The following FOXN3 variants were observed in gnomAD, a reference collection of about 807,000 sequenced individuals.
FOXN3 encodes forkhead box protein N3.
Under a neutral mutation model 38.4 loss-of-function variants are expected in FOXN3, and 7 were observed. The ratio of observed to expected loss-of-function variants is 0.18; its 90% CI spans 0.10 to 0.34. The LOEUF (loss-of-function observed/expected upper bound fraction) is 0.34, where lower values mean the gene tolerates loss of function less well. Among genes scored for constraint, FOXN3 ranks in the 10% least tolerant of loss-of-function variants. The pLI is 1.00. For synonymous variants in FOXN3, 230 were observed against 242.2 expected, an observed-to-expected ratio of 0.95 and a Z score of 0.47; for missense variants, 456 against 613.4, an observed-to-expected ratio of 0.74 and a Z score of 2.71.
At chr14:89,206,936 T>C (rs987879900) in intron 4 of FOXN3, among the ~76,000 whole-genome samples, 1 of 152,040 alleles carries the variant, frequency 6.6e-6, no homozygotes, top group Non-Finnish European at 1.5e-5. Context: ...GGGAAGAGAT[T>C]TAGAGGGGAG....
chr14:89,190,192 G>GCATT (rs1413101602), intron 4 of FOXN3, among the ~76,000 whole-genome samples: 7 of 152,228 alleles, frequency 4.6e-5, no homozygotes, highest in Admixed American at 2.0e-4. Flanking sequence ...ACACACCTAT[G>GCATT]CATTCATTCA....
intron 1 of FOXN3, among the ~76,000 whole-genome samples, chr14:89,414,923 G>A (rs564445118): frequency 6.6e-6 from 1 of 152,284 alleles, no homozygotes; most frequent in East Asian, 1.9e-4. Context: ...TGCTCCAGAC[G>A]TCTTGGGTTC....
intron 1 of FOXN3, among the ~76,000 whole-genome samples, chr14:89,463,073 G>A (rs372015339): frequency 2.0e-4 from 30 of 151,102 alleles, no homozygotes; most frequent in East Asian, 1.4e-3. Context: ...GGCGGATCAC[G>A]AGGTCAGGAG....
intron 1 of FOXN3, among the ~76,000 whole-genome samples, chr14:89,561,655 T>G (rs549234239): frequency 6.6e-6 from 1 of 152,380 alleles, no homozygotes; most frequent in Admixed American, 6.5e-5. Flanking sequence ...TGCTCTGGCT[T>G]TACCTTTAGG....
At chr14:89,295,762 A>ATTTTTTTTTTTTTTTTTTTTTT (rs1032063820) in intron 3 of FOXN3, among the ~76,000 whole-genome samples, 5 of 123,224 alleles carry the variant, frequency 4.1e-5, no homozygotes, top group Non-Finnish European at 8.6e-5. Flanking sequence ...TAATTTTTGC[A>ATTTTTTTTTTTTTTTTTTTTTT]TTTTTTTTTT....
chr14:89,445,948 G>C (rs1892483372), intron 1 of FOXN3, among the ~76,000 whole-genome samples: 1 of 151,280 alleles, frequency 6.6e-6, no homozygotes, highest in Admixed American at 6.6e-5. Context: ...CAGGCATGGT[G>C]GGGGGTGGCG....
intron 2 of FOXN3, chr14:89,364,628 G>A (rs930974694): frequency 1.3e-5 from 2 of 152,102 alleles, no homozygotes; most frequent in Non-Finnish European, 2.9e-5. Context: ...GATATGAAAA[G>A]GCTTCCACTC....
At chr14:89,497,083 T>C (rs1486544500) in intron 1 of FOXN3, among the ~76,000 whole-genome samples, 1 of 151,944 alleles carries the variant, frequency 6.6e-6, no homozygotes, top group East Asian at 1.9e-4. Flanking sequence ...GTCTCCCGAG[T>C]AGCTGGGATT....
chr14:89,236,471 C>T (rs149604844), intron 4 of FOXN3, among the ~76,000 whole-genome samples: 3,388 of 152,146 alleles, frequency 0.022, 126 homozygotes, highest in African/African-American at 0.078. Context: ...GCCGAGATCA[C>T]GCCACTGCAC....
intron 1 of FOXN3, among the ~76,000 whole-genome samples, chr14:89,609,268 C>G (rs1466929530): frequency 6.6e-6 from 1 of 152,152 alleles, no homozygotes; most frequent in Non-Finnish European, 1.5e-5. Flanking sequence ...GTGGCGCAAT[C>G]ATGGCTCACT....
At chr14:89,406,897 C>T in intron 2 of FOXN3, among the ~76,000 whole-genome samples, 1 of 151,316 alleles carries the variant, frequency 6.6e-6, no homozygotes, top group Non-Finnish European at 1.5e-5. Context: ...GCTAATCTTA[C>T]ACTCCTAAGT....
At chr14:89,265,817 C>T (rs960441627) in intron 4 of FOXN3, among the ~76,000 whole-genome samples, 7 of 152,144 alleles carry the variant, frequency 4.6e-5, no homozygotes, top group African/African-American at 1.7e-4. Flanking sequence ...TACAGAACTG[C>T]CAAGGTCTCG....
At chr14:89,411,888 TAAAAA>T (rs377714699) in intron 2 of FOXN3, 41 bp downstream of exon 2, 2 of 1,005,292 alleles carry the variant, frequency 2.0e-6, no homozygotes, top group South Asian at 6.7e-5. Context: ...AATTTTAAAT[TAAAAA>T]AAAAAAAAGA....
chr14:89,169,508 T>TACACAC (rs56217837), intron 5 of FOXN3, among the ~76,000 whole-genome samples: 65,701 of 150,032 alleles, frequency 0.44, 14,428 homozygotes, highest in African/African-American at 0.48. Flanking sequence ...ACTAAGTGGT[T>TACACAC]ACACACACAC....
At chr14:89,289,505 C>T (rs1440867306) in intron 3 of FOXN3, among the ~76,000 whole-genome samples, 3 of 152,200 alleles carry the variant, frequency 2.0e-5, no homozygotes, top group African/African-American at 7.2e-5. Flanking sequence ...AGCACTGTTT[C>T]CTCCCATCAA....
intron 4 of FOXN3, among the ~76,000 whole-genome samples, chr14:89,219,284 G>A (rs1218883819): frequency 6.6e-6 from 1 of 152,292 alleles, no homozygotes; most frequent in South Asian, 2.1e-4. Context: ...TTCCATGTAA[G>A]ACATGCCTTG....
intron 4 of FOXN3, among the ~76,000 whole-genome samples, chr14:89,280,490 TG>T (rs2139916657): frequency 6.6e-6 from 1 of 152,266 alleles, no homozygotes; most frequent in African/African-American, 2.4e-5. Flanking sequence ...TCCAGGTACA[TG>T]TAGATGTTGG....
intron 4 of FOXN3, among the ~76,000 whole-genome samples, chr14:89,197,032 C>A (rs1302417050): frequency 1.3e-5 from 2 of 152,190 alleles, no homozygotes; most frequent in East Asian, 3.8e-4. Flanking sequence ...TCTTAGAAAT[C>A]ATGTGATTTT....
chr14:89,348,705 G>C (rs1272420102), intron 3 of FOXN3, among the ~76,000 whole-genome samples: 1 of 152,138 alleles, frequency 6.6e-6, no homozygotes, highest in Admixed American at 6.5e-5. Context: ...GGAGGTGACG[G>C]AGTGGGGTCT....
Sources: gnomAD v4.1 joint callset for allele counts (sites outside exome capture counted in the v4.1 genomes callset) on GRCh38, gnomAD v4.1.1 for gene constraint, MANE v1.5 for transcripts, NCBI Gene and HGNC (gene_info 2026-07-23, HGNC 2026-07-21) for gene names.